NEB: variants seen among roughly 807,000 people sequenced by gnomAD.
NEB encodes the protein nebulin.
In NEB, 512 loss-of-function variants were observed where a neutral mutation model predicts 952.2. That is an observed-to-expected ratio of 0.54 (90% CI 0.50 to 0.58). The LOEUF is 0.58. Ranked by LOEUF, NEB falls within the 20% of genes least tolerant of loss-of-function variation. The pLI is 0.00. For missense variants in NEB, 8,428 were observed against 9,231.1 expected (o/e 0.91, Z 3.56); for synonymous variants, 2,900 against 3,149.8 (o/e 0.92, Z 2.66).
intron 63 of NEB, among the ~76,000 whole-genome samples, chr2:151,637,697 CA>C (rs746705215): frequency 1.3e-5 from 2 of 152,174 alleles, no homozygotes; most frequent in Non-Finnish European, 2.9e-5. Flanking sequence ...TAGCTAGACA[CA>C]GGGGGAGCCC....
At chr2:151,491,455 A>G (rs1306788987) in intron 179 of NEB, 2 of 380,850 alleles carry the variant, frequency 5.3e-6, no homozygotes, top group Non-Finnish European at 9.8e-6. Context: ...TAGAAATGAT[A>G]ATAATGGGAG....
intron 130 of NEB, 107 bp downstream of exon 130, chr2:151,549,529 G>A: frequency 1.3e-6 from 1 of 773,816 alleles, no homozygotes; most frequent in Non-Finnish European, 2.3e-6. Context: ...ATTCTATCAG[G>A]TTGAACCTTG....
chr2:151,543,459 GAGTAA>G (rs1487262617), intron 135 of NEB, among the ~76,000 whole-genome samples: 1 of 152,132 alleles, frequency 6.6e-6, no homozygotes, highest in Non-Finnish European at 1.5e-5. Context: ...GCTAAATTTT[GAGTAA>G]AGTAAATCAA....
intron 77 of NEB, among the ~76,000 whole-genome samples, chr2:151,613,428 G>A (rs1436200756): frequency 6.6e-6 from 1 of 152,164 alleles, no homozygotes; most frequent in Non-Finnish European, 1.5e-5. Flanking sequence ...TGGCATCAGT[G>A]AACTTGGATA....
Position 151,658,099 on chromosome 2 carries a change from A to G in NEB, c.6076-9T>C, listed in dbSNP as rs765399302. 8.4e-6 allele frequency: 13 copies of G among 1,546,380 alleles called. No homozygotes were observed. The Admixed American group carries it at 2.3e-4, about 27-fold the overall frequency. ...GAAAGTTTGTAGAGTTTCTGTAAAG[A>G]GAGGCAAAGGGAAGAGTTTTCTTCT... On this transcript the variant is annotated splice_polypyrimidine_tract_variant and intron_variant, in intron 47 of 181. Coordinates refer to ENST00000397345, the MANE Select transcript of NEB (RefSeq NM_001164508.2).
intron 54 of NEB, among the ~76,000 whole-genome samples, chr2:151,647,302 G>A (rs912487896): frequency 6.6e-6 from 1 of 151,636 alleles, no homozygotes; most frequent in African/African-American, 2.4e-5. Flanking sequence ...TAGAGATGGG[G>A]TTTCACCATG....
intron 37 of NEB, 164 bp from the exon 38 acceptor site, chr2:151,671,393 C>G: frequency 1.6e-6 from 1 of 628,258 alleles, no homozygotes; most frequent in Non-Finnish European, 2.7e-6. Flanking sequence ...TAAGAAGAAG[C>G]TGTTCTGTTG....
At chr2:151,691,184 C>T (rs1364091580) in intron 23 of NEB, among the ~76,000 whole-genome samples, 1 of 152,172 alleles carries the variant, frequency 6.6e-6, no homozygotes, top group African/African-American at 2.4e-5. Context: ...TCACCTCTTA[C>T]TACTGTCTTC....
chr2:151,610,269 C>T, intron 80 of NEB, 149 bp from the exon 81 acceptor site: 3 of 743,634 alleles, frequency 4.0e-6, no homozygotes, highest in Non-Finnish European at 6.4e-6. Flanking sequence ...ATGTTTTATA[C>T]TGTTTTAAAA....
chr2:151,519,825 G>A (rs542606113), intron 153 of NEB, 57 bp from the exon 154 acceptor site: 1 of 1,172,188 alleles, frequency 8.5e-7, no homozygotes, highest in Non-Finnish European at 1.3e-6. Flanking sequence ...TTTGGGAATT[G>A]GGGAATAGTA....
chr2:151,727,633 T>G, intron 5 of NEB, 58 bp downstream of exon 5: 683 of 1,499,954 alleles, frequency 4.6e-4, no homozygotes, highest in Non-Finnish European at 5.9e-4. Context: ...CAGAGTGAGT[T>G]GAGATAAGTA....
chr2:151,503,424 GT>G lies in NEB; in HGVS notation c.23759del (p.Asn7920ThrfsTer10), dbSNP rs2066272884. 2.5e-6 allele frequency: 4 copies of G among 1,610,188 alleles called. No homozygotes were observed. Among genetic ancestry groups the G allele is most frequent in the Non-Finnish European group, 3.4e-6 (4 of 1,176,782 alleles). On this transcript the variant is annotated frameshift_variant, in exon 166 of 182. Transcript: ENST00000397345. LOFTEE classifies it high-confidence loss of function. ...CAGTGGTTGGAATGCCTGTTCCCAAGTTTTCTTTGTACATAACCTGTAGAAA... is the reference window on the plus strand; with the variant it reads ...CAGTGGTTGGAATGCCTGTTCCCAAGTTTCTTTGTACATAACCTGTAGAAA... The part of the protein sequence containing the change: ...KHISSVMYKE[N>X]LGTGIPTTVT...
chr2:151,566,144 A>G (rs559680312), intron 114 of NEB, among the ~76,000 whole-genome samples: 4 of 152,332 alleles, frequency 2.6e-5, no homozygotes, highest in South Asian at 4.1e-4. Context: ...TGCTATCGTC[A>G]TAAGAAAAGG....
intron 153 of NEB, among the ~76,000 whole-genome samples, chr2:151,522,440 C>T (rs6730454): frequency 0.59 from 89,754 of 152,012 alleles, 26,928 homozygotes; most frequent in Admixed American, 0.7. Flanking sequence ...TTCATTTCAT[C>T]ATTTAACTTG....
rs764471700 is a variant in NEB, at chr2:151,618,375, T to C, written c.10976A>G (p.Asp3659Gly). The part of the protein sequence containing the change: ...RAKRAGELLS[D>G]TIYRQRPETL... ...TTCTGGACGCTGACGGTAGATAGTA[T>C]CACTAAGTAATTCTCCAGCTCTCTT... The change falls in exon 74 of 182, where the codon GAT (aspartate) becomes GGT (glycine). Residue 3659 changes from aspartate (D) to glycine (G), a missense_variant. This residue lies in a region of NEB where 1,772 missense variants were observed against 1,960.3 expected (regional missense o/e 0.90). Transcript: ENST00000397345. 7 of 1,613,994 alleles carry C rather than the reference T, an allele frequency of 4.3e-6. No homozygotes were observed. In the East Asian group the frequency reaches 1.6e-4, roughly 36 times the overall value.
chr2:151,497,054 C>G, intron 171 of NEB, 21 bp from the exon 172 acceptor site: 1 of 1,554,532 alleles, frequency 6.4e-7, no homozygotes, highest in Non-Finnish European at 8.7e-7. Flanking sequence ...AGAAAGCAAC[C>G]AGAAAAACAA....
intron 6 of NEB, 76 bp downstream of exon 6, chr2:151,725,377 T>A: frequency 8.4e-7 from 1 of 1,184,640 alleles, no homozygotes. Flanking sequence ...TCACAGCACA[T>A]ATTTAGAGCC....
intron 135 of NEB, among the ~76,000 whole-genome samples, chr2:151,542,472 T>C (rs972425345): frequency 6.6e-6 from 1 of 152,196 alleles, no homozygotes; most frequent in Non-Finnish European, 1.5e-5. Flanking sequence ...ATTGCCTCTA[T>C]CTCTATCTCA....
rs1307155710 is a variant in NEB at position 151,650,888 on chromosome 2, G to T, written c.6916-3C>A. ...CGGTAGCCTTGTTTGTATTTATACTGAAATCAGAGAAAACACAGCTCTTTT... is the reference window on the plus strand; with the variant it reads ...CGGTAGCCTTGTTTGTATTTATACTTAAATCAGAGAAAACACAGCTCTTTT... On this transcript the variant is annotated splice_region_variant and splice_polypyrimidine_tract_variant and intron_variant, in intron 52 of 181. Coordinates refer to ENST00000397345, the MANE Select transcript of NEB (RefSeq NM_001164508.2). 6.3e-7 allele frequency: 1 copy of T among 1,599,068 alleles called. No homozygotes were observed.
Sources: allele counts gnomAD v4.1 joint callset (sites outside exome capture counted in the v4.1 genomes callset), GRCh38; gene constraint gnomAD v4.1.1; regional missense constraint gnomAD v4.1.1; transcripts MANE v1.5; gene names NCBI Gene and HGNC (gene_info 2026-07-23, HGNC 2026-07-21).